SDC2: variants seen among roughly 807,000 people sequenced by gnomAD.
SDC2 encodes the protein syndecan-2.
SDC2 carries 13 observed loss-of-function variants against 22.2 expected under a neutral mutation model. The ratio of observed to expected loss-of-function variants is 0.59; its 90% CI spans 0.38 to 0.93. SDC2 has a LOEUF of 0.93. SDC2 is among the 40% of genes least tolerant of loss of function. The probability of loss-of-function intolerance (pLI) is 0.00; values close to 1 mark genes in which losing one functional copy is unlikely to be tolerated. For missense variants in SDC2, 235 were observed against 246.8 expected, an observed-to-expected ratio of 0.95 and a Z score of 0.32; for synonymous variants, 94 against 92.8, an observed-to-expected ratio of 1.01 and a Z score of -0.07.
intron 3 of SDC2, among the ~76,000 whole-genome samples, chr8:96,604,300 G>A (rs563457968): frequency 5.9e-5 from 9 of 152,242 alleles, no homozygotes; most frequent in South Asian, 2.1e-4. Flanking sequence ...GCATCAGATC[G>A]AGATAAAAAA....
chr8:96,510,993 G>T (rs1405877276), intron 1 of SDC2, among the ~76,000 whole-genome samples: 3 of 152,200 alleles, frequency 2.0e-5, no homozygotes, highest in Admixed American at 6.5e-5. Context: ...GATTAGGCCA[G>T]TGGTTCTCGA....
At chr8:96,523,261 T>G (rs1296607987) in intron 1 of SDC2, among the ~76,000 whole-genome samples, 3 of 152,202 alleles carry the variant, frequency 2.0e-5, no homozygotes, top group Non-Finnish European at 4.4e-5. Context: ...TTTGGTGGTG[T>G]TTTGCTGCTT....
At chr8:96,526,097 TG>T (rs34486802) in intron 1 of SDC2, among the ~76,000 whole-genome samples, 31,608 of 152,104 alleles carry the variant, frequency 0.21, 3,820 homozygotes, top group African/African-American at 0.33. Flanking sequence ...GGGCCAGGCA[TG>T]GTGCAGGGCC....
intron 1 of SDC2, among the ~76,000 whole-genome samples, chr8:96,592,554 T>G (rs972251030): frequency 3.3e-5 from 5 of 152,150 alleles, no homozygotes; most frequent in African/African-American, 1.2e-4. Context: ...AAATATCAAT[T>G]TACTAAAACC....
chr8:96,597,259 A>C (rs1012721067), intron 2 of SDC2, among the ~76,000 whole-genome samples: 1 of 152,192 alleles, frequency 6.6e-6, no homozygotes, highest in Non-Finnish European at 1.5e-5. Flanking sequence ...CAGTCTGTCC[A>C]TTTACCCTCT....
chr8:96,542,824 G>A (rs1369275729), intron 1 of SDC2, among the ~76,000 whole-genome samples: 2 of 152,132 alleles, frequency 1.3e-5, no homozygotes, highest in African/African-American at 4.8e-5. Context: ...TAAGTAGGGC[G>A]ACCATATGTC....
chr8:96,593,950 G>A (rs1814829295), intron 2 of SDC2, among the ~76,000 whole-genome samples: 1 of 152,166 alleles, frequency 6.6e-6, no homozygotes, highest in African/African-American at 2.4e-5. Flanking sequence ...GACTTTCAGA[G>A]TGATGTCATG....
At chr8:96,541,815 C>T (rs1449809606) in intron 1 of SDC2, among the ~76,000 whole-genome samples, 1 of 152,148 alleles carries the variant, frequency 6.6e-6, no homozygotes, top group East Asian at 1.9e-4. Context: ...TGCAATTGAA[C>T]TATAGGCTTA....
At chr8:96,495,097 A>G (rs931492387) in intron 1 of SDC2, among the ~76,000 whole-genome samples, 2 of 152,100 alleles carry the variant, frequency 1.3e-5, no homozygotes, top group Admixed American at 6.5e-5. Context: ...ACATTTTCAT[A>G]GGAGTTACAC....
intron 1 of SDC2, among the ~76,000 whole-genome samples, chr8:96,502,155 T>G (rs1288564920): frequency 6.6e-6 from 1 of 152,166 alleles, no homozygotes; most frequent in Non-Finnish European, 1.5e-5. Flanking sequence ...ACAATCATGG[T>G]GGAAGGCAAA....
chr8:96,593,685 C>T, intron 2 of SDC2, 94 bp downstream of exon 2: 1 of 813,642 alleles, frequency 1.2e-6, no homozygotes, highest in Non-Finnish European at 2.1e-6. Context: ...AGGCAGGATG[C>T]ACAGTGGTTA....
At position 96,591,768 on chromosome 8, in the gene SDC2, A is replaced by G. The variant is rs140591490; in HGVS notation, c.61-1712A>G. 8.5e-3 allele frequency among the ~76,000 whole-genome samples: 1,297 copies of G among 152,072 alleles called. 14 individuals carry two copies. Among genetic ancestry groups the G allele is most frequent in the African/African-American group, 0.03 (1,243 of 41,526 alleles). On this transcript the variant is annotated intron_variant, in intron 1 of 4. Coordinates refer to ENST00000302190, the MANE Select transcript of SDC2 (RefSeq NM_002998.4). ...AAATGGGACAAAGTTTAAGACAAGC[A>G]GGACGGAGAATGGCTTTTTCATGGG...
intron 1 of SDC2, among the ~76,000 whole-genome samples, chr8:96,581,471 A>G (rs1814588487): frequency 6.6e-6 from 1 of 152,076 alleles, no homozygotes; most frequent in African/African-American, 2.4e-5. Context: ...CTCTACTAAA[A>G]ATACAAAAAT....
rs538645077 is a variant in SDC2 at position 96,562,760 on chromosome 8, A to G, written c.61-30720A>G. On this transcript the variant is annotated intron_variant, in intron 1 of 4. Coordinates refer to ENST00000302190, the MANE Select transcript of SDC2 (RefSeq NM_002998.4). The stretch of plus-strand genomic sequence containing the variant: ...TAAAATTAGCATTGCTTTCAAGCAG[A>G]GCTTTTGTGCTTAAATTGCCCCATT... Among the ~76,000 whole-genome samples, 15 of 152,324 alleles carry G rather than the reference A, an allele frequency of 9.8e-5. No homozygotes were observed. In the South Asian group the frequency reaches 3.1e-3, roughly 32 times the overall value.
chr8:96,593,807 A>G (rs1814826786), intron 2 of SDC2, among the ~76,000 whole-genome samples: 1 of 152,240 alleles, frequency 6.6e-6, no homozygotes, highest in Non-Finnish European at 1.5e-5. Context: ...CCTCCTTTAT[A>G]AAATGGAAAG....
intron 1 of SDC2, among the ~76,000 whole-genome samples, chr8:96,534,427 A>G (rs1485986665): frequency 1.3e-5 from 2 of 152,148 alleles, no homozygotes; most frequent in Admixed American, 6.5e-5. Flanking sequence ...GTTTCATGCC[A>G]GTGGCTTTTC....
At chr8:96,600,879 A>G (rs1279598411) in intron 2 of SDC2, among the ~76,000 whole-genome samples, 5 of 152,114 alleles carry the variant, frequency 3.3e-5, no homozygotes, top group Non-Finnish European at 7.3e-5. Flanking sequence ...AGGGGTGGTA[A>G]AAGCCGATGA....
chr8:96,508,253 G>A (rs935972607), intron 1 of SDC2, among the ~76,000 whole-genome samples: 9 of 150,936 alleles, frequency 6.0e-5, no homozygotes, highest in African/African-American at 2.4e-5. Flanking sequence ...CAGAGATCGC[G>A]CCACTGCACT....
At chr8:96,533,083 T>C (rs996222089) in intron 1 of SDC2, among the ~76,000 whole-genome samples, 2 of 152,106 alleles carry the variant, frequency 1.3e-5, no homozygotes, top group Non-Finnish European at 2.9e-5. Context: ...TTCCTTCTGG[T>C]GGGTGCTTGG....
Sources: allele counts gnomAD v4.1 joint callset (sites outside exome capture counted in the v4.1 genomes callset), GRCh38; gene constraint gnomAD v4.1.1; transcripts MANE v1.5; gene names NCBI Gene and HGNC (gene_info 2026-07-23, HGNC 2026-07-21).